Variants in SLCO6A1 observed in about 807,000 individuals in gnomAD.
SLCO6A1 encodes solute carrier organic anion transporter family member 6A1, also known as cancer/testis antigen 48.
SLCO6A1 carries 65 observed loss-of-function variants against 72.7 expected under a neutral mutation model. The observed-to-expected ratio is 0.89, with a 90% confidence interval of 0.73 to 1.10. The LOEUF is 1.10. SLCO6A1 is among the 50% of genes least tolerant of loss of function. The pLI is 0.00. For missense variants in SLCO6A1, 874 were observed against 872.6 expected (o/e 1.00, Z -0.02); for synonymous variants, 314 against 298.2 (o/e 1.05, Z -0.55).
intron 6 of SLCO6A1, among the ~76,000 whole-genome samples, chr5:102,447,192 C>T (rs545691167): frequency 5.3e-5 from 8 of 152,326 alleles, no homozygotes; most frequent in Middle Eastern, 3.4e-3. Context: ...GTTGAACCAA[C>T]CTTGCATCCC....
chr5:102,388,712 T>A lies in SLCO6A1; in HGVS notation c.1993A>T (p.Met665Leu). 1 of 1,584,732 alleles carries A rather than the reference T, an allele frequency of 6.3e-7. No homozygotes were observed. The highest frequency in any genetic ancestry group is 1.9e-5 in the Admixed American group (1 of 51,952). ...CATATTCCTACCAATAAGAAAGCCA[T>A]TTTTGTCTTGTTATATATCCAACAA... ...GRCWIYNKTK[M>L]AFLLVGICFL... is the part of the protein sequence containing the mutation. The change falls in exon 12 of 14, where the codon ATG becomes TTG. Residue 665 changes from methionine to leucine, a missense_variant. By Grantham distance (15) the Met-to-Leu change is conservative (BLOSUM62 2). Coordinates refer to ENST00000506729, the MANE Select transcript of SLCO6A1 (RefSeq NM_173488.5).
At chr5:102,376,012 G>A (rs1224692679) in intron 12 of SLCO6A1, among the ~76,000 whole-genome samples, 1 of 152,080 alleles carries the variant, frequency 6.6e-6, no homozygotes, top group Non-Finnish European at 1.5e-5. Context: ...AATTTAACAA[G>A]AGTCAGACAA....
chr5:102,392,897 G>C (rs1303911614), intron 10 of SLCO6A1, among the ~76,000 whole-genome samples: 2 of 151,612 alleles, frequency 1.3e-5, no homozygotes, highest in Non-Finnish European at 2.9e-5. Flanking sequence ...TTGCTGTCTT[G>C]CACAAAATTT....
intron 9 of SLCO6A1, among the ~76,000 whole-genome samples, chr5:102,407,737 T>G (rs767577668): frequency 6.6e-6 from 1 of 152,204 alleles, no homozygotes; most frequent in Non-Finnish European, 1.5e-5. Context: ...AAAGAATGTG[T>G]GAGGCCTGTG....
At chr5:102,419,555 T>C (rs974000950) in intron 8 of SLCO6A1, among the ~76,000 whole-genome samples, 2 of 152,188 alleles carry the variant, frequency 1.3e-5, no homozygotes, top group Non-Finnish European at 2.9e-5. Flanking sequence ...CCCACCCTAA[T>C]ACAAAACTTT....
chr5:102,430,093 G>A (rs543946544), intron 7 of SLCO6A1, among the ~76,000 whole-genome samples: 12 of 152,194 alleles, frequency 7.9e-5, no homozygotes, highest in African/African-American at 2.6e-4. Context: ...TTTCTAATTT[G>A]GCTCTCAGCT....
At chr5:102,496,512 T>A (rs772210131) in intron 1 of SLCO6A1, among the ~76,000 whole-genome samples, 1 of 152,150 alleles carries the variant, frequency 6.6e-6, no homozygotes, top group Non-Finnish European at 1.5e-5. Flanking sequence ...AAACCTTCAA[T>A]GGCTCCTCAT....
chr5:102,377,676 G>T (rs1198731078), intron 12 of SLCO6A1, among the ~76,000 whole-genome samples: 1 of 151,066 alleles, frequency 6.6e-6, no homozygotes, highest in Non-Finnish European at 1.5e-5. Context: ...CATATATATA[G>T]ATATAGATAG....
chr5:102,381,731 C>CTTTTTT (rs57935092), intron 12 of SLCO6A1, among the ~76,000 whole-genome samples: 4 of 134,324 alleles, frequency 3.0e-5, no homozygotes, highest in African/African-American at 1.1e-4. Context: ...CAATATTTAT[C>CTTTTTT]TTTTTTTTTT....
At chr5:102,463,308 T>A (rs1431835271) in intron 4 of SLCO6A1, among the ~76,000 whole-genome samples, 1 of 152,164 alleles carries the variant, frequency 6.6e-6, no homozygotes, top group Admixed American at 6.5e-5. Flanking sequence ...GGGAATACTT[T>A]TACACTGCTG....
intron 6 of SLCO6A1, among the ~76,000 whole-genome samples, chr5:102,444,575 C>A (rs745629505): frequency 6.6e-6 from 1 of 152,084 alleles, no homozygotes; most frequent in African/African-American, 2.4e-5. Flanking sequence ...AAAATATCTC[C>A]TCTAGAAAAT....
intron 12 of SLCO6A1, among the ~76,000 whole-genome samples, chr5:102,383,877 T>G (rs1460191492): frequency 6.6e-6 from 1 of 151,870 alleles, no homozygotes; most frequent in African/African-American, 2.4e-5. Flanking sequence ...ATTATTGGTC[T>G]GGTCAGATTT....
intron 1 of SLCO6A1, among the ~76,000 whole-genome samples, chr5:102,490,483 A>G (rs866122886): frequency 1.2e-4 from 18 of 152,348 alleles, no homozygotes; most frequent in Middle Eastern, 6.8e-3. Flanking sequence ...ATAATTCATA[A>G]GGAAAGGAGG....
Position 102,399,546 on chromosome 5 carries a change from T to C in SLCO6A1, c.1814+9A>G, listed in dbSNP as rs201566794. The stretch of plus-strand genomic sequence containing the variant: ...AAATAAACAATAATAATGAGTAATA[T>C]ATACATACCGCGTCATGGCCAAGAC... On this transcript the variant is annotated intron_variant, in intron 10 of 13. Transcript: ENST00000506729. 4 of 1,481,764 alleles carry C rather than the reference T, an allele frequency of 2.7e-6. No individual in the cohort carries two copies. The highest frequency in any genetic ancestry group is 2.1e-5 in the Admixed American group (1 of 46,774). 91.8% of individuals were successfully genotyped at this position (1,481,764 alleles called of 1,614,324 possible). A position where few individuals can be genotyped will look rare whatever the true frequency, so the allele number is the denominator to read the frequency against.
intron 1 of SLCO6A1, among the ~76,000 whole-genome samples, chr5:102,487,897 AT>A (rs1561501944): frequency 6.6e-6 from 1 of 152,176 alleles, no homozygotes; most frequent in Non-Finnish European, 1.5e-5. Flanking sequence ...CAGCACACAA[AT>A]TTTTTAACCA....
At chr5:102,442,547 G>A (rs1355561572) in intron 6 of SLCO6A1, among the ~76,000 whole-genome samples, 2 of 152,074 alleles carry the variant, frequency 1.3e-5, no homozygotes, top group Non-Finnish European at 2.9e-5. Flanking sequence ...TACGAGATTT[G>A]TTGTTTGCAA....
chr5:102,404,157 T>C lies in SLCO6A1; in HGVS notation c.1627-4415A>G, dbSNP rs758942361. On this transcript the variant is annotated intron_variant, in intron 9 of 13. Coordinates refer to ENST00000506729, the MANE Select transcript of SLCO6A1 (RefSeq NM_173488.5). ...ATGGAAAATACTGCATCTAAGAACA[T>C]CAGCATTTTAAAGGTTGTTTGATAT... 1.6e-4 allele frequency among the ~76,000 whole-genome samples: 25 copies of C among 152,308 alleles called. 1 individual carries two copies. The South Asian group carries it at 3.9e-3, about 24-fold the overall frequency.
At chr5:102,409,834 A>G (rs945409861) in intron 9 of SLCO6A1, among the ~76,000 whole-genome samples, 1 of 152,170 alleles carries the variant, frequency 6.6e-6, no homozygotes, top group Non-Finnish European at 1.5e-5. Context: ...GATTCCCTAG[A>G]AAAAAAGGAC....
intron 4 of SLCO6A1, among the ~76,000 whole-genome samples, chr5:102,467,405 C>A (rs1294450268): frequency 6.6e-6 from 1 of 151,592 alleles, no homozygotes; most frequent in Non-Finnish European, 1.5e-5. Context: ...GAGTGAGAAT[C>A]TCTTTAAAAA....
Sources: allele counts gnomAD v4.1 joint callset (sites outside exome capture counted in the v4.1 genomes callset), GRCh38; gene constraint gnomAD v4.1.1; transcripts MANE v1.5; gene names NCBI Gene and HGNC (gene_info 2026-07-23, HGNC 2026-07-21).